The following CHODL variants were observed in gnomAD, a reference collection of about 807,000 sequenced individuals.
CHODL encodes the protein chondrolectin.
CHODL carries 29 observed loss-of-function variants against 34.5 expected under a neutral mutation model. The observed-to-expected ratio is 0.84, with a 90% CI of 0.63 to 1.15. CHODL has a LOEUF of 1.15. Among genes scored for constraint, CHODL ranks in the 50% most tolerant of loss-of-function variants. The pLI is 0.00. For synonymous variants in CHODL, 125 were observed against 116.1 expected, an observed-to-expected ratio of 1.08 and a Z score of -0.49; for missense variants, 332 against 332.5, an observed-to-expected ratio of 1.00 and a Z score of 0.01.
chr21:17,926,775 C>T (rs2063226748), intron 1 of CHODL, among the ~76,000 whole-genome samples: 1 of 152,020 alleles, frequency 6.6e-6, no homozygotes, highest in Non-Finnish European at 1.5e-5. Flanking sequence ...ACCATATCAC[C>T]AAGTTACTAA....
In CHODL at chr21:18,264,963, G is replaced by T. The variant is rs117605972; in HGVS notation, c.738-991G>T. 9.9e-5 allele frequency among the ~76,000 whole-genome samples: 15 copies of T among 152,178 alleles called. No homozygotes were observed. The East Asian group carries it at 2.7e-3, about 27-fold the overall frequency. ...TCCATACACATAGTATAATAGCATT[G>T]TTTTGATGATTTGACATTAAATTCA... On this transcript the variant is annotated intron_variant, in intron 5 of 5. Transcript: ENST00000299295.
chr21:18,149,823 A>C (rs769994707), intron 2 of CHODL, among the ~76,000 whole-genome samples: 3 of 152,198 alleles, frequency 2.0e-5, no homozygotes, highest in Non-Finnish European at 4.4e-5. Flanking sequence ...AAACTACCGT[A>C]GACTGGACGG....
At chr21:18,086,333 A>T (rs1342538012) in intron 2 of CHODL, among the ~76,000 whole-genome samples, 3 of 152,138 alleles carry the variant, frequency 2.0e-5, no homozygotes, top group Non-Finnish European at 4.4e-5. Flanking sequence ...TCAATATTTT[A>T]AATTTTTATC....
intron 1 of CHODL, among the ~76,000 whole-genome samples, chr21:17,924,619 T>C (rs2063208927): frequency 6.6e-6 from 1 of 152,204 alleles, no homozygotes; most frequent in Admixed American, 6.5e-5. Context: ...TAACTTGAAA[T>C]GAGATTGTCA....
upstream of CHODL, among the ~76,000 whole-genome samples, chr21:18,240,395 A>G (rs773160173): frequency 5.3e-5 from 8 of 152,120 alleles, no homozygotes; most frequent in Non-Finnish European, 8.8e-5. Context: ...TTATATTTAT[A>G]AAGTGAAAAC....
intron 2 of CHODL, among the ~76,000 whole-genome samples, chr21:18,153,560 A>G (rs2072997333): frequency 6.6e-6 from 1 of 151,852 alleles, no homozygotes; most frequent in South Asian, 2.1e-4. Context: ...AAGGACTTAC[A>G]TGATTATATC....
At chr21:18,115,703 G>T (rs962997980) in intron 2 of CHODL, among the ~76,000 whole-genome samples, 1 of 152,194 alleles carries the variant, frequency 6.6e-6, no homozygotes, top group African/African-American at 2.4e-5. Flanking sequence ...CCATGGTAAA[G>T]GTAAGTCCTC....
intron 2 of CHODL, among the ~76,000 whole-genome samples, chr21:18,205,735 T>C (rs1219111058): frequency 1.8e-5 from 2 of 113,586 alleles, no homozygotes; most frequent in Non-Finnish European, 3.5e-5. Context: ...TTAAGGAGTA[T>C]ACTTTTTTTT....
intron 1 of CHODL, among the ~76,000 whole-genome samples, chr21:18,253,326 A>G (rs950155332): frequency 6.6e-6 from 1 of 152,068 alleles, no homozygotes; most frequent in African/African-American, 2.4e-5. Flanking sequence ...TTTTTTTTTA[A>G]TATGACATTT....
intron 2 of CHODL, among the ~76,000 whole-genome samples, chr21:18,178,860 T>C (rs971510710): frequency 1.3e-5 from 2 of 152,170 alleles, no homozygotes; most frequent in Non-Finnish European, 2.9e-5. Context: ...TCATGTATGT[T>C]AGAAAGTGTT....
At chr21:18,240,343 T>C (rs941467821), upstream of CHODL, among the ~76,000 whole-genome samples, 2 of 152,132 alleles carry the variant, frequency 1.3e-5, no homozygotes, top group African/African-American at 4.8e-5. Flanking sequence ...CAGTAGAATC[T>C]CATTCAGTCA....
chr21:18,255,949 A>G (rs1429995864), intron 1 of CHODL, among the ~76,000 whole-genome samples: 1 of 152,098 alleles, frequency 6.6e-6, no homozygotes, highest in Non-Finnish European at 1.5e-5. Flanking sequence ...ATATTAATTA[A>G]TCGTTTATTA....
At chr21:18,152,432 C>G (rs1022543019) in intron 2 of CHODL, among the ~76,000 whole-genome samples, 2 of 152,322 alleles carry the variant, frequency 1.3e-5, no homozygotes, top group Admixed American at 6.5e-5. Context: ...TCACGAGGCT[C>G]AACTCAAGGA....
rs532830860 is a variant in CHODL, at chr21:18,128,279, T to C, written c.-45+100308T>C. ...TCGCGCCACTGCACTCCAGCCTGGG[T>C]GACAGAGCAAGAGTCTCAAAAAAAA... On this transcript the variant is annotated intron_variant, in intron 2 of 6. Transcript: ENST00000400127. 4.2e-3 allele frequency among the ~76,000 whole-genome samples: 407 copies of C among 97,344 alleles called. 1 individual carries two copies. The highest frequency in any genetic ancestry group is 0.015 in the African/African-American group (387 of 25,334). 63.9% of individuals were successfully genotyped at this position (97,344 alleles called of 152,430 possible).
intron 2 of CHODL, among the ~76,000 whole-genome samples, chr21:18,201,950 G>A (rs557240676): frequency 2.0e-4 from 31 of 151,808 alleles, no homozygotes; most frequent in African/African-American, 6.0e-4. Flanking sequence ...GACTACAGGC[G>A]ACCGCCACCA....
chr21:17,941,147 T>A (rs936537354), intron 1 of CHODL, among the ~76,000 whole-genome samples: 2 of 152,156 alleles, frequency 1.3e-5, no homozygotes, highest in Admixed American at 6.5e-5. Flanking sequence ...TTTCTAATAC[T>A]CATCTACTTG....
intron 1 of CHODL, among the ~76,000 whole-genome samples, chr21:17,992,441 G>A (rs2063804663): frequency 1.3e-5 from 2 of 152,086 alleles, no homozygotes; most frequent in Admixed American, 1.3e-4. Flanking sequence ...CAATCCATGA[G>A]CATGGGGTGT....
intron 1 of CHODL, among the ~76,000 whole-genome samples, chr21:17,919,425 C>T (rs1307746838): frequency 6.6e-6 from 1 of 152,204 alleles, no homozygotes; most frequent in Non-Finnish European, 1.5e-5. Context: ...GTGGAAGCTA[C>T]CAAGGTTTGG....
At chr21:18,239,362 C>T (rs1051947098) in intron 2 of CHODL, among the ~76,000 whole-genome samples, 4 of 151,976 alleles carry the variant, frequency 2.6e-5, no homozygotes, top group East Asian at 1.9e-4. Context: ...CGCTTAGAAA[C>T]GATGTATGAA....
Sources: allele counts gnomAD v4.1 joint callset (sites outside exome capture counted in the v4.1 genomes callset), GRCh38; gene constraint gnomAD v4.1.1; transcripts MANE v1.5; gene names NCBI Gene and HGNC (gene_info 2026-07-23, HGNC 2026-07-21).